Variants in C8A observed in about 807,000 individuals in gnomAD.
C8A encodes the protein complement component C8 alpha chain.
Under a neutral mutation model 65.3 loss-of-function variants are expected in C8A, and 67 were observed. The observed-to-expected ratio is 1.03, with a 90% confidence interval of 0.84 to 1.26. The LOEUF (loss-of-function observed/expected upper bound fraction) is 1.26, where lower values mean the gene tolerates loss of function less well. Among genes scored for constraint, C8A ranks in the 50% most tolerant of loss-of-function variants. The probability of loss-of-function intolerance (pLI) is 0.00; values close to 1 mark genes in which losing one functional copy is unlikely to be tolerated. For missense variants in C8A, 781 were observed against 723.9 expected, an observed-to-expected ratio of 1.08 and a Z score of -0.90; for synonymous variants, 290 against 259.4, an observed-to-expected ratio of 1.12 and a Z score of -1.13.
chr1:56,897,465 C>T (rs918601190), intron 7 of C8A, among the ~76,000 whole-genome samples: 2 of 152,124 alleles, frequency 1.3e-5, no homozygotes. Context: ...ACACAAGATG[C>T]GGGCTCAGCC....
intron 10 of C8A, among the ~76,000 whole-genome samples, chr1:56,916,787 A>C (rs945009916): frequency 2.6e-5 from 4 of 151,670 alleles, no homozygotes; most frequent in Non-Finnish European, 5.9e-5. Flanking sequence ...GATAGCATCC[A>C]AAACTCAGGC....
intron 7 of C8A, among the ~76,000 whole-genome samples, chr1:56,901,435 G>A (rs954741142): frequency 3.9e-5 from 6 of 152,060 alleles, no homozygotes; most frequent in African/African-American, 9.7e-5. Context: ...AAGCTCCATG[G>A]AGGTGTGAGG....
intron 7 of C8A, among the ~76,000 whole-genome samples, chr1:56,896,497 G>C (rs1188778426): frequency 6.6e-6 from 1 of 152,170 alleles, no homozygotes; most frequent in Non-Finnish European, 1.5e-5. Context: ...TTGAAGAAAG[G>C]AAGACTCTTC....
At chr1:56,895,898 A>C (rs979336597) in intron 7 of C8A, among the ~76,000 whole-genome samples, 6 of 152,128 alleles carry the variant, frequency 3.9e-5, no homozygotes, top group Admixed American at 3.9e-4. Context: ...GCAGTGAGCC[A>C]AGATCACACC....
intron 9 of C8A, among the ~76,000 whole-genome samples, chr1:56,911,376 A>G (rs1644504907): frequency 6.6e-6 from 1 of 152,176 alleles, no homozygotes; most frequent in Non-Finnish European, 1.5e-5. Context: ...CTCCCTTTAC[A>G]GATGAGGAAG....
At chr1:56,910,798 A>C (rs964868108) in intron 9 of C8A, among the ~76,000 whole-genome samples, 3 of 152,164 alleles carry the variant, frequency 2.0e-5, no homozygotes, top group Non-Finnish European at 2.9e-5. Context: ...AGACAAAGCT[A>C]TTGCCAGTGC....
chr1:56,907,052 A>G (rs1459619981), intron 8 of C8A, among the ~76,000 whole-genome samples: 1 of 152,212 alleles, frequency 6.6e-6, no homozygotes, highest in Non-Finnish European at 1.5e-5. Flanking sequence ...GGTCCAAGTA[A>G]GAACTAGAAT....
In C8A at chr1:56,858,633, C is replaced by T. The variant is rs895395925; in HGVS notation, c.77+3655C>T. On this transcript the variant is annotated intron_variant, in intron 1 of 10. Coordinates refer to ENST00000361249, the MANE Select transcript of C8A (RefSeq NM_000562.3). The stretch of plus-strand genomic sequence containing the variant: ...GTATGTTTACCAAAGCATCTTGGGC[C>T]AAGGCCATGTGAATATTTTTAATAG... 3.9e-5 allele frequency among the ~76,000 whole-genome samples: 6 copies of T among 152,198 alleles called. No individual in the cohort carries two copies. The East Asian group carries it at 5.8e-4, about 15-fold the overall frequency.
intron 3 of C8A, 72 bp downstream of exon 3, chr1:56,875,165 T>C: frequency 6.5e-7 from 1 of 1,540,584 alleles, no homozygotes; most frequent in Non-Finnish European, 8.9e-7. Context: ...CCCAGGGAGC[T>C]TATTAAAATG....
chr1:56,897,806 C>CCATT (rs1644397522), intron 7 of C8A, among the ~76,000 whole-genome samples: 1 of 152,156 alleles, frequency 6.6e-6, no homozygotes, highest in Non-Finnish European at 1.5e-5. Flanking sequence ...CTCCATTCAT[C>CCATT]CATTCATCCA....
Position 56,898,738 on chromosome 1 carries a change from A to G in C8A, c.1097-7929A>G, listed in dbSNP as rs563764140. Among the ~76,000 whole-genome samples, 10 of 152,136 alleles carry G rather than the reference A, an allele frequency of 6.6e-5. No homozygotes were observed. The South Asian group carries it at 1.7e-3, about 25-fold the overall frequency. ...AATGTTGCATCCCAGAGTCTTGCCCATTGATTGAGCATGGCCCACAGCAGA... is the reference window on the plus strand; with the variant it reads ...AATGTTGCATCCCAGAGTCTTGCCCGTTGATTGAGCATGGCCCACAGCAGA... On this transcript the variant is annotated intron_variant, in intron 7 of 10. Transcript: ENST00000361249.
intron 2 of C8A, among the ~76,000 whole-genome samples, chr1:56,871,926 T>C (rs1328879393): frequency 6.6e-6 from 1 of 152,208 alleles, no homozygotes; most frequent in Non-Finnish European, 1.5e-5. Context: ...TACTAAACTA[T>C]ATTAAATCTG....
rs144579273 is a variant in C8A, at chr1:56,910,721, C to T, written c.1381-1682C>T. On this transcript the variant is annotated intron_variant, in intron 9 of 10. Coordinates refer to ENST00000361249, the MANE Select transcript of C8A (RefSeq NM_000562.3). ...ATATTACCTGCCTGCTGACCTCAAC[C>T]GCAACCCCTGACCACAGGCCAAAGT... Among the ~76,000 whole-genome samples, 291 of 152,330 alleles carry T rather than the reference C, an allele frequency of 1.9e-3. 2 individuals are homozygous for T. Among genetic ancestry groups the T allele is most frequent in the Middle Eastern group, 6.8e-3 (2 of 294 alleles).
At chr1:56,880,090 C>T (rs767628693) in intron 4 of C8A, among the ~76,000 whole-genome samples, 26 of 152,154 alleles carry the variant, frequency 1.7e-4, no homozygotes, top group African/African-American at 5.8e-4. Context: ...AGACAAAAAA[C>T]GAGCAATAAC....
chr1:56,911,419 C>T (rs902552990), intron 9 of C8A, among the ~76,000 whole-genome samples: 1 of 152,210 alleles, frequency 6.6e-6, no homozygotes, highest in Admixed American at 6.5e-5. Context: ...AAAGATCACA[C>T]AGTCGGAAGC....
intron 4 of C8A, among the ~76,000 whole-genome samples, chr1:56,879,751 C>T (rs1025432945): frequency 2.0e-5 from 3 of 152,152 alleles, no homozygotes; most frequent in Non-Finnish European, 4.4e-5. Flanking sequence ...TATTACATCA[C>T]TTCCACTAAT....
rs769603846 is a variant in C8A, at chr1:56,854,942, G to C, written c.41G>C (p.Cys14Ser). Residue 14 changes from cysteine to serine, a missense_variant, in exon 1 of 11, where the codon TGT becomes TCT. Coordinates refer to ENST00000361249, the MANE Select transcript of C8A (RefSeq NM_000562.3). The part of the protein sequence containing the change: ...VVFFILSLMT[C>S]QPGVTAQEKV... ...TTCTTCATCTTGTCTTTGATGACTT[G>C]TCAGCCTGGGGTAACTGCACAGGAG... The C allele has an allele frequency of 6.8e-6, 11 of 1,613,800 alleles. No homozygotes were observed. The highest frequency in any genetic ancestry group is 1.1e-5 in the South Asian group (1 of 91,014).
intron 9 of C8A, 40 bp from the exon 10 acceptor site, chr1:56,912,363 G>T (rs1644514846): frequency 1.3e-6 from 2 of 1,593,576 alleles, no homozygotes; most frequent in Non-Finnish European, 8.6e-7. Flanking sequence ...AAGGTAGATA[G>T]AGCCCAGGGA....
At chr1:56,872,229 C>T (rs1644152988) in intron 2 of C8A, among the ~76,000 whole-genome samples, 1 of 152,172 alleles carries the variant, frequency 6.6e-6, no homozygotes, top group Non-Finnish European at 1.5e-5. Context: ...ATAAGCACAA[C>T]ATATTCATAA....
Sources: allele counts gnomAD v4.1 joint callset (sites outside exome capture counted in the v4.1 genomes callset), GRCh38; gene constraint gnomAD v4.1.1; transcripts MANE v1.5; gene names NCBI Gene and HGNC (gene_info 2026-07-23, HGNC 2026-07-21).